EML6: variants seen among roughly 807,000 people sequenced by gnomAD.
The protein encoded by EML6 is EMAP like 6.
In EML6, 154 loss-of-function variants were observed where a neutral mutation model predicts 240.1. The observed-to-expected ratio is 0.64, with a 90% confidence interval of 0.56 to 0.73. EML6 has a LOEUF of 0.73. EML6 is among the 30% of genes least tolerant of loss of function. EML6 has a pLI of 0.00. For synonymous variants in EML6, 1,148 were observed against 899.0 expected (o/e 1.28, Z -4.95); for missense variants, 2,964 against 2,474.6 (o/e 1.20, Z -4.20).
intron 28 of EML6, among the ~76,000 whole-genome samples, chr2:54,944,388 C>T (rs542015040): frequency 2.0e-5 from 3 of 152,266 alleles, no homozygotes; most frequent in African/African-American, 4.8e-5. Flanking sequence ...TAAAGACTCT[C>T]CATGACAAAG....
At chr2:54,752,970 G>A (rs1684240744) in intron 2 of EML6, among the ~76,000 whole-genome samples, 1 of 152,166 alleles carries the variant, frequency 6.6e-6, no homozygotes, top group Non-Finnish European at 1.5e-5. Context: ...TGGATTTTTA[G>A]TAGAGGCGGG....
chr2:54,843,964 TTGTGTGTGTGTGTGTG>T lies in EML6; in HGVS notation c.848-58_848-43del, dbSNP rs70944190. 730 of 658,706 alleles carry T rather than the reference TTGTGTGTGTGTGTGTG, an allele frequency of 1.1e-3. 4 individuals are homozygous for T. The highest frequency in any genetic ancestry group is 0.011 in the South Asian group (620 of 58,338). 40.8% of individuals were successfully genotyped at this position (658,706 alleles called of 1,614,324 possible). On this transcript the variant is annotated intron_variant, in intron 7 of 41. Transcript: ENST00000356458. Reference sequence around the variant, plus strand: ...GTTAAAGGGCATTTACTTTAGGGTTTTGTGTGTGTGTGTGTGTGTGTGTGTGTGTGTGTGTGTGTGA... The same window carrying T: ...GTTAAAGGGCATTTACTTTAGGGTTTTGTGTGTGTGTGTGTGTGTGTGTGA...
At position 54,869,385 on chromosome 2, in the gene EML6, A is replaced by G; in HGVS notation, c.2238+18A>G. On this transcript the variant is annotated intron_variant, in intron 15 of 41. Coordinates refer to ENST00000356458, the MANE Select transcript of EML6 (RefSeq NM_001039753.4). ...CTGGGCAGGTATCTATCTCCTGTAA[A>G]CTAGGGCCTAGCCAAAAAGAGAATT... The G allele has an allele frequency of 6.6e-7, 1 of 1,506,534 alleles. No individual in the cohort carries two copies. The highest frequency in any genetic ancestry group is 1.4e-5 in the African/African-American group (1 of 71,752). 93.3% of individuals were successfully genotyped at this position (1,506,534 alleles called of 1,614,324 possible).
intron 11 of EML6, among the ~76,000 whole-genome samples, chr2:54,858,751 A>C (rs1233311429): frequency 1.3e-5 from 2 of 152,216 alleles, no homozygotes; most frequent in Non-Finnish European, 1.5e-5. Context: ...TTGCCTCTCC[A>C]GTGGACATTT....
intron 2 of EML6, among the ~76,000 whole-genome samples, chr2:54,799,420 A>G (rs1669996324): frequency 6.6e-6 from 1 of 150,992 alleles, no homozygotes; most frequent in Admixed American, 6.6e-5. Context: ...ATCTCCGTTC[A>G]CTGCAACCTC....
chr2:54,899,074 A>G (rs1249758417), intron 21 of EML6, among the ~76,000 whole-genome samples: 1 of 152,224 alleles, frequency 6.6e-6, no homozygotes, highest in Non-Finnish European at 1.5e-5. Context: ...CCTGGGCTAC[A>G]CCGAGGACGC....
intron 2 of EML6, among the ~76,000 whole-genome samples, chr2:54,740,586 C>T (rs567065270): frequency 6.6e-6 from 1 of 152,170 alleles, no homozygotes; most frequent in Admixed American, 6.5e-5. Flanking sequence ...CATTTCCTTT[C>T]AGGTTTACTT....
intron 7 of EML6, 81 bp from the exon 8 acceptor site, chr2:54,843,965 TG>T (rs1669609776): frequency 2.6e-5 from 6 of 234,890 alleles, no homozygotes; most frequent in African/African-American, 1.1e-4. Context: ...TTTAGGGTTT[TG>T]TGTGTGTGTG....
At position 54,968,689 on chromosome 2, in the gene EML6, G is replaced by T; in HGVS notation, c.5773G>T (p.Gly1925Cys). ...ACAGGCCAAACATAAGCGATACTTC[G>T]GTCACTCGGCTCACGTGACGAACAT... The part of the protein sequence containing the change: ...EKFAKHKRYF[G>C]HSAHVTNIRF... Residue 1925 changes from glycine to cysteine, a missense_variant, in exon 41 of 42, where the codon GGT (glycine) becomes TGT (cysteine). Transcript: ENST00000356458. 2 of 1,550,782 alleles carry T rather than the reference G, an allele frequency of 1.3e-6. No homozygotes were observed. Among genetic ancestry groups the T allele is most frequent in the Non-Finnish European group, 1.7e-6 (2 of 1,146,216 alleles).
chr2:54,767,610 GTGTGTGTGTGTGTGTGTGTGTA>G (rs1261947437), intron 2 of EML6, among the ~76,000 whole-genome samples: 3 of 127,284 alleles, frequency 2.4e-5, no homozygotes, highest in South Asian at 2.7e-4. Flanking sequence ...GTGTGTGTGT[GTGTGTGTGTGTGTGTGTGTGTA>G]TGTGTGTGTG....
chr2:54,763,449 A>G (rs1422399517), intron 2 of EML6, among the ~76,000 whole-genome samples: 1 of 152,220 alleles, frequency 6.6e-6, no homozygotes, highest in Non-Finnish European at 1.5e-5. Context: ...ATGATTCCAA[A>G]ACTCCAGACT....
At chr2:54,938,763 C>T (rs528309131) in intron 28 of EML6, among the ~76,000 whole-genome samples, 5 of 152,314 alleles carry the variant, frequency 3.3e-5, no homozygotes, top group East Asian at 1.9e-4. Flanking sequence ...TGCACCTGTT[C>T]GGATCTCTGA....
intron 2 of EML6, among the ~76,000 whole-genome samples, chr2:54,728,808 C>T (rs922231445): frequency 6.6e-6 from 1 of 152,178 alleles, no homozygotes; most frequent in Non-Finnish European, 1.5e-5. Flanking sequence ...GATTCCTAAG[C>T]TTTCTGTTCT....
At chr2:54,872,370 C>G (rs765005827) in intron 16 of EML6, among the ~76,000 whole-genome samples, 6 of 152,132 alleles carry the variant, frequency 3.9e-5, no homozygotes, top group Non-Finnish European at 7.4e-5. Context: ...TATTCAAATG[C>G]TTAATAAGTA....
intron 12 of EML6, among the ~76,000 whole-genome samples, chr2:54,860,008 G>A (rs912600563): frequency 1.3e-5 from 2 of 152,064 alleles, no homozygotes; most frequent in African/African-American, 2.4e-5. Context: ...ACATTGATTC[G>A]CAGGTCCATT....
At position 54,962,083 on chromosome 2, in the gene EML6, G is replaced by GTT. The variant is rs533390678; in HGVS notation, c.4969-425_4969-424dup. Among the ~76,000 whole-genome samples the GTT allele has an allele frequency of 1.2e-3, 156 of 132,268 alleles. No individual in the cohort carries two copies. The Middle Eastern group carries it at 0.015, about 13-fold the overall frequency. 86.8% of individuals were successfully genotyped at this position (132,268 alleles called of 152,430 possible). On this transcript the variant is annotated intron_variant, in intron 35 of 41. Transcript: ENST00000356458. ...GCAAAGGCATTTTCTCAAGTTACTT[G>GTT]TTTTTTTTTTTTTTTTAAAGACAGG... is the stretch of plus-strand genomic sequence containing the variant.
Position 54,863,656 on chromosome 2 carries a change from A to G in EML6, c.1826-127A>G, listed in dbSNP as rs988423995. ...AAAGAAAGATGTTTTAACAATTTAT[A>G]TTAAATGAAAACTATGGTATAGTTT... On this transcript the variant is annotated intron_variant, in intron 12 of 41. Transcript: ENST00000356458. 30 of 652,448 alleles carry G rather than the reference A, an allele frequency of 4.6e-5. 1 individual carries two copies. The East Asian group carries it at 5.2e-4, about 11-fold the overall frequency. The allele number at this position is 652,448 out of a possible 1,614,324, so 40.4% of individuals were successfully genotyped here. A position where few individuals can be genotyped will look rare whatever the true frequency, so the allele number is the denominator to read the frequency against.
Position 54,827,629 on chromosome 2 carries a change from C to A in EML6, c.589C>A (p.Leu197Ile). ...AGGGATATTTGGCAAAACAGGGGATCTTCAGACCATCCTTTGCCTTGCATG... is the reference window on the plus strand; with the variant it reads ...AGGGATATTTGGCAAAACAGGGGATATTCAGACCATCCTTTGCCTTGCATG... Reference protein sequence around the residue: ...KRGIFGKTGDLQTILCLACAK... With the variant: ...KRGIFGKTGDIQTILCLACAK... The change falls in exon 6 of 42, where the codon CTT (leucine) becomes ATT (isoleucine). Residue 197 changes from leucine to isoleucine, a missense_variant. Transcript: ENST00000356458. The A allele has an allele frequency of 6.4e-7, 1 of 1,551,664 alleles. No individual in the cohort carries two copies. Among genetic ancestry groups the A allele is most frequent in the Non-Finnish European group, 8.7e-7 (1 of 1,146,962 alleles).
At chr2:54,784,340 A>C (rs1668983763) in intron 2 of EML6, among the ~76,000 whole-genome samples, 3 of 152,168 alleles carry the variant, frequency 2.0e-5, no homozygotes, top group African/African-American at 7.2e-5. Flanking sequence ...CTTTTTTGCT[A>C]TATTAGAATA....
Sources: gnomAD v4.1 joint callset for allele counts (sites outside exome capture counted in the v4.1 genomes callset) on GRCh38, gnomAD v4.1.1 for gene constraint, MANE v1.5 for transcripts, NCBI Gene and HGNC (gene_info 2026-07-23, HGNC 2026-07-21) for gene names.